The following SLC2A9 variants were observed in gnomAD, a reference collection of about 807,000 sequenced individuals.
SLC2A9 encodes solute carrier family 2, facilitated glucose transporter member 9.
A neutral mutation model predicts 50.6 loss-of-function variants in SLC2A9; 39 were observed. The observed-to-expected ratio is 0.77, with a 90% CI of 0.60 to 1.01. The LOEUF is 1.01. Among genes scored for constraint, SLC2A9 ranks in the 50% least tolerant of loss-of-function variants. The pLI is 0.00. For synonymous variants in SLC2A9, 324 were observed against 276.9 expected (o/e 1.17, Z -1.69); for missense variants, 686 against 677.6 (o/e 1.01, Z -0.14).
chr4:9,840,988 C>T (rs533851458), intron 10 of SLC2A9, among the ~76,000 whole-genome samples: 11 of 152,246 alleles, frequency 7.2e-5, no homozygotes, highest in African/African-American at 2.6e-4. Flanking sequence ...CTCTCTATCA[C>T]AAGAACAGCA....
intron 3 of SLC2A9, among the ~76,000 whole-genome samples, chr4:9,814,292 A>T (rs1390541543): frequency 6.6e-6 from 1 of 152,234 alleles, no homozygotes; most frequent in Non-Finnish European, 1.5e-5. Context: ...TGTTTCAGCT[A>T]TTTTTATATT....
At chr4:9,845,672 C>T (rs888879847) in intron 10 of SLC2A9, among the ~76,000 whole-genome samples, 8 of 151,930 alleles carry the variant, frequency 5.3e-5, no homozygotes, top group African/African-American at 9.7e-5. Flanking sequence ...CCTCGTGATC[C>T]GCCCGCCTCG....
intron 10 of SLC2A9, among the ~76,000 whole-genome samples, chr4:9,845,637 A>G (rs1346604425): frequency 1.3e-5 from 2 of 150,818 alleles, no homozygotes; most frequent in Admixed American, 1.3e-4. Context: ...TCACCGTGTT[A>G]GCCAGGATGG....
chr4:9,960,771 GGA>G (rs1403283108), intron 5 of SLC2A9, among the ~76,000 whole-genome samples: 1 of 152,166 alleles, frequency 6.6e-6, no homozygotes, highest in Non-Finnish European at 1.5e-5. Flanking sequence ...CCAGGCCCAG[GGA>G]GTGGCATGAG....
intron 10 of SLC2A9, among the ~76,000 whole-genome samples, chr4:9,874,004 C>T (rs1195980479): frequency 6.6e-6 from 1 of 152,180 alleles, no homozygotes; most frequent in African/African-American, 2.4e-5. Context: ...TGGCTGCCCA[C>T]TTCCACAAGG....
At chr4:9,965,319 C>T (rs114337273) in intron 5 of SLC2A9, among the ~76,000 whole-genome samples, 299 of 152,300 alleles carry the variant, frequency 2.0e-3, no homozygotes, top group Non-Finnish European at 3.7e-3. Context: ...CCCTTTGAAG[C>T]TCATTTCTCT....
intron 10 of SLC2A9, among the ~76,000 whole-genome samples, chr4:9,873,836 G>C (rs1005492105): frequency 1.3e-5 from 2 of 152,192 alleles, no homozygotes; most frequent in Non-Finnish European, 2.9e-5. Flanking sequence ...TTGTTACACA[G>C]TCATAGCTAA....
chr4:9,906,585 G>A (rs925505082), intron 8 of SLC2A9, among the ~76,000 whole-genome samples: 16 of 152,200 alleles, frequency 1.1e-4, no homozygotes, highest in African/African-American at 3.9e-4. Context: ...GACAAGGGAA[G>A]AATTTGCCAA....
chr4:9,901,662 C>G (rs752992987), intron 8 of SLC2A9, among the ~76,000 whole-genome samples: 5 of 152,164 alleles, frequency 3.3e-5, no homozygotes, highest in African/African-American at 4.8e-5. Flanking sequence ...TGAATCCCCT[C>G]AAGCCCCATG....
chr4:9,880,703 T>C (rs1026758814), intron 10 of SLC2A9, among the ~76,000 whole-genome samples: 4 of 152,230 alleles, frequency 2.6e-5, no homozygotes, highest in African/African-American at 9.6e-5. Context: ...CCGTTTCTTC[T>C]GGGAAAACAG....
At chr4:9,878,880 TG>T (rs1734726153) in intron 10 of SLC2A9, 1 of 231,166 alleles carries the variant, frequency 4.3e-6, no homozygotes, top group East Asian at 1.8e-4. Flanking sequence ...ACCCAGTTGT[TG>T]GTGGAGACAA....
chr4:9,863,228 C>T (rs919987213), intron 10 of SLC2A9, among the ~76,000 whole-genome samples: 1 of 151,952 alleles, frequency 6.6e-6, no homozygotes, highest in African/African-American at 2.4e-5. Context: ...CTCACTCTAA[C>T]CTCGATCTCC....
intron 10 of SLC2A9, among the ~76,000 whole-genome samples, chr4:9,875,806 T>C (rs1734224347): frequency 6.6e-6 from 1 of 152,228 alleles, no homozygotes; most frequent in South Asian, 2.1e-4. Flanking sequence ...GATTGGGACA[T>C]TTCTTATTCC....
At chr4:9,869,456 GCCCTGGGCT>G (rs1733037376) in intron 10 of SLC2A9, among the ~76,000 whole-genome samples, 1 of 149,620 alleles carries the variant, frequency 6.7e-6, no homozygotes, top group African/African-American at 2.5e-5. Flanking sequence ...CCTGCCTCTG[GCCCTGGGCT>G]CCTGTGCTCC....
chr4:9,829,342 T>C (rs1366551428), intron 11 of SLC2A9, among the ~76,000 whole-genome samples: 1 of 151,928 alleles, frequency 6.6e-6, no homozygotes, highest in Non-Finnish European at 1.5e-5. Context: ...CCTTACACCT[T>C]ATACAAAAAT....
chr4:9,910,021 T>C (rs529801392), intron 7 of SLC2A9, among the ~76,000 whole-genome samples: 1 of 152,352 alleles, frequency 6.6e-6, no homozygotes, highest in East Asian at 1.9e-4. Flanking sequence ...GGGGAAGATA[T>C]AGGACCTACT....
intron 10 of SLC2A9, among the ~76,000 whole-genome samples, chr4:9,839,608 A>C (rs1727686675): frequency 2.0e-5 from 3 of 152,216 alleles, no homozygotes; most frequent in African/African-American, 7.2e-5. Flanking sequence ...GGATAAAGAA[A>C]ATGTGGTATA....
intron 5 of SLC2A9, among the ~76,000 whole-genome samples, chr4:9,953,958 A>C (rs1750754495): frequency 6.6e-6 from 1 of 152,094 alleles, no homozygotes; most frequent in South Asian, 2.1e-4. Flanking sequence ...TACAGGCATG[A>C]GCCACCATGC....
rs759587973 is a variant in SLC2A9, at chr4:9,887,660, G to A, written c.1216-18C>T. ...GCGTGGTCCTGGGAGAGAACAGGGA[G>A]TGGTCAGGTGAGGAGGTGATGGTGT... On this transcript the variant is annotated intron_variant, in intron 9 of 11. Transcript: ENST00000264784. 35 of 1,493,130 alleles carry A rather than the reference G, an allele frequency of 2.3e-5. No individual in the cohort carries two copies. In the Admixed American group the frequency reaches 4.6e-4, roughly 20 times the overall value. 92.5% of individuals were successfully genotyped at this position (1,493,130 alleles called of 1,614,324 possible). A position where few individuals can be genotyped will look rare whatever the true frequency, so the allele number is the denominator to read the frequency against.
Sources: gnomAD v4.1 joint callset for allele counts (sites outside exome capture counted in the v4.1 genomes callset) on GRCh38, gnomAD v4.1.1 for gene constraint, MANE v1.5 for transcripts, NCBI Gene and HGNC (gene_info 2026-07-23, HGNC 2026-07-21) for gene names.